Variants in OPA3 observed in about 807,000 individuals in gnomAD.
OPA3 encodes outer mitochondrial membrane lipid metabolism regulator OPA3.
OPA3 carries 6 observed loss-of-function variants against 4.0 expected under a neutral mutation model. The observed-to-expected ratio is 1.51, with a 90% confidence interval of 0.83 to 2.99. OPA3 has a LOEUF of 2.99. OPA3 is among the 30% of genes most tolerant of loss of function. OPA3 has a pLI of 0.00. For synonymous variants in OPA3, 105 were observed against 117.1 expected (o/e 0.90, Z 0.67); for missense variants, 235 against 256.2 (o/e 0.92, Z 0.56).
exon 2 of OPA3, chr19:45,528,490 T>TC: frequency 6.4e-6 from 1 of 155,658 alleles, no homozygotes. Context: ...CCCCCACCTT[T>TC]CCCCCTAAGA....
chr19:45,570,082 C>T (rs576548656), intron 1 of OPA3, among the ~76,000 whole-genome samples: 158 of 152,328 alleles, frequency 1.0e-3, no homozygotes, highest in African/African-American at 3.6e-3. Flanking sequence ...CAGGCTGACA[C>T]GGGCGCCCTC....
At chr19:45,584,393 C>T (rs1969900750) in intron 1 of OPA3, 1 of 985,262 alleles carries the variant, frequency 1.0e-6, no homozygotes, top group East Asian at 1.1e-4. Flanking sequence ...CCTTTATCGG[C>T]TGGCATTTCC....
intron 1 of OPA3, among the ~76,000 whole-genome samples, chr19:45,572,213 C>A (rs143369351): frequency 0.015 from 2,147 of 139,722 alleles, 59 homozygotes; most frequent in African/African-American, 0.05. Flanking sequence ...ATATATATAT[C>A]TCTCATATAT....
At chr19:45,574,981 G>C (rs927136830) in intron 1 of OPA3, among the ~76,000 whole-genome samples, 1 of 152,128 alleles carries the variant, frequency 6.6e-6, no homozygotes, top group Admixed American at 6.6e-5. Context: ...GATGACTCCA[G>C]CCCAGCCACC....
chr19:45,553,414 G>C lies in OPA3; in HGVS notation c.*100C>G. On this transcript the variant is annotated 3_prime_UTR_variant, in exon 2 of 2. Transcript: ENST00000263275. ...AAATGCCAAGTTGCATCAAGATCCT[G>C]GTGGTTTCCACTGGGCCAGCGCAGG... The C allele has an allele frequency of 2.5e-6, 4 of 1,597,186 alleles. No homozygotes were observed. Among genetic ancestry groups the C allele is most frequent in the Non-Finnish European group, 3.4e-6 (4 of 1,178,316 alleles).
downstream of OPA3, among the ~76,000 whole-genome samples, chr19:45,544,122 T>C (rs993053074): frequency 6.6e-6 from 1 of 152,190 alleles, no homozygotes; most frequent in Non-Finnish European, 1.5e-5. Flanking sequence ...CTCATCCAAC[T>C]GGTATGAGGC....
rs1356610894 is a variant in OPA3, at chr19:45,583,468, G to A, written c.142+1155C>T. Among the ~76,000 whole-genome samples the A allele has an allele frequency of 2.7e-5, 4 of 149,458 alleles. No homozygotes were observed. The South Asian group carries it at 6.4e-4, about 24-fold the overall frequency. ...CGCCCGGCAAGATCACCTTTTTAAA[G>A]TAGTTTATATTTTGGGTGTTTACTA... On this transcript the variant is annotated intron_variant, in intron 1 of 1. Coordinates refer to ENST00000263275, the MANE Select transcript of OPA3 (RefSeq NM_025136.4).
At chr19:45,535,842 A>G (rs1969111076) in intron 1 of OPA3, among the ~76,000 whole-genome samples, 1 of 145,162 alleles carries the variant, frequency 6.9e-6, no homozygotes, top group Non-Finnish European at 1.5e-5. Context: ...ATAGCTCACT[A>G]TAGCCTTGAT....
At chr19:45,554,048 C>T (rs1969385082) in intron 1 of OPA3, 137 bp from the exon 2 acceptor site, 1 of 704,230 alleles carries the variant, frequency 1.4e-6, no homozygotes, top group Non-Finnish European at 2.3e-6. Flanking sequence ...AGCGAGCAGC[C>T]AGGAATAAGA....
intron 1 of OPA3, among the ~76,000 whole-genome samples, chr19:45,570,622 G>A (rs1028143594): frequency 1.3e-5 from 2 of 152,142 alleles, no homozygotes; most frequent in South Asian, 2.1e-4. Flanking sequence ...GGGAGGTGGA[G>A]GCTGCAGCGA....
intron 1 of OPA3, among the ~76,000 whole-genome samples, chr19:45,540,868 A>G (rs1185615349): frequency 6.6e-6 from 1 of 152,096 alleles, no homozygotes; most frequent in Non-Finnish European, 1.5e-5. Context: ...GAATTGGCAA[A>G]TGCTGTCATG....
chr19:45,543,396 C>T (rs1969210073), downstream of OPA3, among the ~76,000 whole-genome samples: 2 of 151,962 alleles, frequency 1.3e-5, 1 homozygote, highest in South Asian at 4.1e-4. Flanking sequence ...TCTCGGCTCA[C>T]TGTAGCCTCC....
intron 1 of OPA3, among the ~76,000 whole-genome samples, chr19:45,571,668 C>G (rs920677828): frequency 2.8e-4 from 43 of 152,138 alleles, no homozygotes; most frequent in African/African-American, 1.0e-3. Context: ...AGAATGTACT[C>G]TAGAGACTGC....
chr19:45,531,088 C>A (rs118162407), intron 1 of OPA3, among the ~76,000 whole-genome samples: 7,965 of 151,654 alleles, frequency 0.053, 277 homozygotes, highest in Non-Finnish European at 0.083. Context: ...CCACACCCAG[C>A]CTATTTTTTT....
At chr19:45,582,463 G>C (rs561224818) in intron 1 of OPA3, among the ~76,000 whole-genome samples, 1 of 152,066 alleles carries the variant, frequency 6.6e-6, no homozygotes, top group Non-Finnish European at 1.5e-5. Context: ...CCCAGCTGGA[G>C]CAGAGTTTTT....
chr19:45,559,407 T>C (rs1365387986), intron 1 of OPA3, among the ~76,000 whole-genome samples: 1 of 132,326 alleles, frequency 7.6e-6, no homozygotes, highest in East Asian at 2.2e-4. Flanking sequence ...CTTTTTTTTT[T>C]TTTTTTTTTT....
At chr19:45,544,383 G>A (rs1969220103), downstream of OPA3, among the ~76,000 whole-genome samples, 1 of 152,200 alleles carries the variant, frequency 6.6e-6, no homozygotes. Context: ...ATGGGGGCGG[G>A]GCACGGTGGC....
intron 1 of OPA3, among the ~76,000 whole-genome samples, chr19:45,563,237 G>A (rs1409991519): frequency 6.6e-6 from 1 of 152,184 alleles, no homozygotes; most frequent in African/African-American, 2.4e-5. Context: ...TTGGCTCACT[G>A]CAAGCTCCGC....
At chr19:45,535,295 G>T (rs4803831) in intron 1 of OPA3, among the ~76,000 whole-genome samples, 11,734 of 150,058 alleles carry the variant, frequency 0.078, 731 homozygotes, top group East Asian at 0.21. Flanking sequence ...TTTTCTATTT[G>T]TTTGTTGCTG....
Sources: allele counts gnomAD v4.1 joint callset (sites outside exome capture counted in the v4.1 genomes callset), GRCh38; gene constraint gnomAD v4.1.1; transcripts MANE v1.5; gene names NCBI Gene and HGNC (gene_info 2026-07-23, HGNC 2026-07-21).